RARB: variants seen among roughly 807,000 people sequenced by gnomAD.
RARB encodes HBV-activated protein.
Under a neutral mutation model 51.9 loss-of-function variants are expected in RARB, and 17 were observed. That is an observed-to-expected ratio of 0.33 (90% CI 0.22 to 0.49). The LOEUF (loss-of-function observed/expected upper bound fraction) is 0.49. Ranked by LOEUF, RARB falls within the 20% of genes least tolerant of loss-of-function variation. The probability of loss-of-function intolerance (pLI) is 0.99; values close to 1 mark genes in which losing one functional copy is unlikely to be tolerated. For synonymous variants in RARB, 215 were observed against 195.4 expected, an observed-to-expected ratio of 1.10 and a Z score of -0.84; for missense variants, 369 against 550.8, an observed-to-expected ratio of 0.67 and a Z score of 3.30.
intron 3 of RARB, among the ~76,000 whole-genome samples, chr3:25,093,485 A>G (rs895714107): frequency 1.9e-5 from 1 of 51,460 alleles, no homozygotes; most frequent in African/African-American, 9.4e-5. Context: ...AGTTTACATA[A>G]TAATAGCCCT....
intron 5 of RARB, among the ~76,000 whole-genome samples, chr3:25,176,751 G>T (rs1039934010): frequency 5.3e-5 from 8 of 152,042 alleles, no homozygotes; most frequent in African/African-American, 1.9e-4. Context: ...AAATGGTTGA[G>T]ATATATCATA....
intron 5 of RARB, among the ~76,000 whole-genome samples, chr3:25,376,866 T>C (rs2125476125): frequency 6.6e-6 from 1 of 152,316 alleles, no homozygotes; most frequent in Non-Finnish European, 1.5e-5. Context: ...GGGTGTCCTC[T>C]GTTAGGCACA....
chr3:24,844,376 A>C (rs920241947), intron 1 of RARB, among the ~76,000 whole-genome samples: 2 of 152,200 alleles, frequency 1.3e-5, no homozygotes, highest in African/African-American at 4.8e-5. Context: ...CTCATAAAAG[A>C]CAAAGAGTAG....
intron 7 of RARB, among the ~76,000 whole-genome samples, chr3:25,595,804 G>T (rs1701794830): frequency 6.6e-6 from 1 of 152,148 alleles, no homozygotes; most frequent in Non-Finnish European, 1.5e-5. Flanking sequence ...GTTGTCAATA[G>T]TCACTGCACA....
chr3:25,170,989 A>G (rs1280264078), intron 4 of RARB, among the ~76,000 whole-genome samples: 6 of 152,010 alleles, frequency 3.9e-5, no homozygotes. Flanking sequence ...AATATCAACT[A>G]TACCGACAAT....
At chr3:25,345,077 A>G (rs1705348139) in intron 5 of RARB, among the ~76,000 whole-genome samples, 1 of 152,140 alleles carries the variant, frequency 6.6e-6, no homozygotes, top group Non-Finnish European at 1.5e-5. Context: ...GGATTGTTTG[A>G]CTTACCGCCT....
intron 3 of RARB, among the ~76,000 whole-genome samples, chr3:25,075,563 T>C (rs1698855211): frequency 6.6e-6 from 1 of 152,014 alleles, no homozygotes; most frequent in African/African-American, 2.4e-5. Flanking sequence ...ACATTATAGC[T>C]AGGGGGAAAT....
intron 2 of RARB, among the ~76,000 whole-genome samples, chr3:25,492,687 T>A (rs1226456165): frequency 6.6e-6 from 1 of 151,532 alleles, no homozygotes; most frequent in African/African-American, 2.4e-5. Flanking sequence ...ACAGTGATGA[T>A]GTTTTGCTAA....
chr3:25,198,841 G>A (rs996692278), intron 5 of RARB, among the ~76,000 whole-genome samples: 1 of 152,070 alleles, frequency 6.6e-6, no homozygotes, highest in Non-Finnish European at 1.5e-5. Context: ...GGGTTGGAGG[G>A]AATGTAAATT....
At chr3:24,892,337 A>T (rs1446554931) in intron 2 of RARB, among the ~76,000 whole-genome samples, 2 of 152,100 alleles carry the variant, frequency 1.3e-5, no homozygotes, top group Middle Eastern at 3.2e-3. Flanking sequence ...ATGGTACATT[A>T]TAATCCAAGG....
chr3:25,139,425 A>G (rs1700077724), intron 4 of RARB, among the ~76,000 whole-genome samples: 1 of 152,206 alleles, frequency 6.6e-6, no homozygotes, highest in Non-Finnish European at 1.5e-5. Flanking sequence ...AGAAAGTTTT[A>G]GTGGTGTGGA....
At chr3:25,221,184 A>T (rs1701940874) in intron 5 of RARB, among the ~76,000 whole-genome samples, 1 of 152,226 alleles carries the variant, frequency 6.6e-6, no homozygotes, top group Admixed American at 6.5e-5. Flanking sequence ...TAAAGGCAAA[A>T]GGAATTAGGA....
At chr3:25,094,050 TG>T (rs1699250074) in intron 3 of RARB, among the ~76,000 whole-genome samples, 1 of 152,160 alleles carries the variant, frequency 6.6e-6, no homozygotes, top group African/African-American at 2.4e-5. Flanking sequence ...AGCTTGTAAG[TG>T]GGTATGGTCC....
At chr3:25,521,823 C>G (rs1328041149) in intron 3 of RARB, among the ~76,000 whole-genome samples, 1 of 152,062 alleles carries the variant, frequency 6.6e-6, no homozygotes, top group Non-Finnish European at 1.5e-5. Flanking sequence ...TGTAACATCC[C>G]TTTAATTAGA....
At chr3:25,596,271 C>G in intron 7 of RARB, 149 bp from the exon 8 acceptor site, 1 of 619,540 alleles carries the variant, frequency 1.6e-6, no homozygotes, top group Non-Finnish European at 2.8e-6. Context: ...TCTTTTTCAA[C>G]AAAAAGCCAC....
intron 3 of RARB, among the ~76,000 whole-genome samples, chr3:25,556,886 G>A (rs1700082626): frequency 6.6e-6 from 1 of 152,182 alleles, no homozygotes; most frequent in African/African-American, 2.4e-5. Context: ...TGGCAATTAT[G>A]AGTTTGAATT....
At chr3:24,912,638 C>A (rs1193059018) in intron 2 of RARB, among the ~76,000 whole-genome samples, 1 of 152,036 alleles carries the variant, frequency 6.6e-6, no homozygotes, top group Non-Finnish European at 1.5e-5. Context: ...GAACTCCCAT[C>A]GCTGGGAGGA....
intron 5 of RARB, among the ~76,000 whole-genome samples, chr3:25,223,811 A>G (rs1034759502): frequency 3.3e-5 from 5 of 152,186 alleles, no homozygotes; most frequent in African/African-American, 7.2e-5. Flanking sequence ...TTTCAGATCT[A>G]TTTTTAGCAC....
At chr3:25,068,642 C>A (rs1698710876) in intron 3 of RARB, among the ~76,000 whole-genome samples, 1 of 152,096 alleles carries the variant, frequency 6.6e-6, no homozygotes, top group African/African-American at 2.4e-5. Flanking sequence ...TCCTTAGGTA[C>A]CCATTAACTA....
Sources: allele counts gnomAD v4.1 joint callset (sites outside exome capture counted in the v4.1 genomes callset), GRCh38; gene constraint gnomAD v4.1.1; transcripts MANE v1.5; gene names NCBI Gene and HGNC (gene_info 2026-07-23, HGNC 2026-07-21).